The following KAZN variants were observed in gnomAD, a reference collection of about 807,000 sequenced individuals.
The protein encoded by KAZN is kazrin, periplakin interacting protein, also known as kazrin.
In KAZN, 40 loss-of-function variants were observed where a neutral mutation model predicts 87.4. That is an observed-to-expected ratio of 0.46 (90% CI 0.36 to 0.60). The LOEUF (loss-of-function observed/expected upper bound fraction) is 0.60, where lower values mean the gene tolerates loss of function less well. Ranked by LOEUF, KAZN falls within the 20% of genes least tolerant of loss-of-function variation. The probability of loss-of-function intolerance (pLI) is 0.00; values close to 1 mark genes in which losing one functional copy is unlikely to be tolerated. For synonymous variants in KAZN, 466 were observed against 458.3 expected, an observed-to-expected ratio of 1.02 and a Z score of -0.22; for missense variants, 898 against 1,073.9, an observed-to-expected ratio of 0.84 and a Z score of 2.29.
At chr1:13,937,438 T>G (rs1640782443) in intron 1 of KAZN, among the ~76,000 whole-genome samples, 3 of 152,256 alleles carry the variant, frequency 2.0e-5, no homozygotes, top group South Asian at 4.1e-4. Context: ...CTTTGTCAGA[T>G]GCATAGTTTG....
At chr1:14,548,809 C>T (rs143044936) in intron 2 of KAZN, among the ~76,000 whole-genome samples, 4 of 152,270 alleles carry the variant, frequency 2.6e-5, no homozygotes, top group African/African-American at 9.6e-5. Context: ...GTCTGCAGTA[C>T]ACATGTGAGG....
intron 2 of KAZN, among the ~76,000 whole-genome samples, chr1:14,385,973 C>G (rs1196455691): frequency 6.6e-6 from 1 of 151,448 alleles, no homozygotes; most frequent in East Asian, 1.9e-4. Flanking sequence ...TCACTCAGGA[C>G]TTGCTTTATG....
intron 1 of KAZN, among the ~76,000 whole-genome samples, chr1:14,021,014 CA>C (rs1258957263): frequency 6.6e-6 from 1 of 152,170 alleles, no homozygotes; most frequent in African/African-American, 2.4e-5. Context: ...TCTAATTAAG[CA>C]AGGTGGTGAT....
chr1:13,967,622 G>C (rs1291466272), intron 1 of KAZN, among the ~76,000 whole-genome samples: 1 of 152,214 alleles, frequency 6.6e-6, no homozygotes, highest in Admixed American at 6.5e-5. Context: ...GCCAATGATA[G>C]TGCGTTGCCT....
intron 1 of KAZN, among the ~76,000 whole-genome samples, chr1:14,114,856 G>A (rs75550076): frequency 2.0e-5 from 3 of 152,134 alleles, no homozygotes; most frequent in Non-Finnish European, 2.9e-5. Flanking sequence ...TGCTGTTACC[G>A]TTCCCATTTA....
chr1:14,871,066 T>G (rs61044667), intron 1 of KAZN, among the ~76,000 whole-genome samples: 203 of 152,280 alleles, frequency 1.3e-3, no homozygotes, highest in African/African-American at 4.7e-3. Context: ...CTCCAAGAGG[T>G]GGACAGTGCT....
chr1:13,939,104 G>T (rs1460625533), intron 1 of KAZN, among the ~76,000 whole-genome samples: 2 of 152,260 alleles, frequency 1.3e-5, no homozygotes, highest in East Asian at 3.9e-4. Context: ...TTTTAGTCAT[G>T]CTAATATCTC....
At chr1:14,146,146 T>C (rs1570864133) in intron 1 of KAZN, among the ~76,000 whole-genome samples, 1 of 152,166 alleles carries the variant, frequency 6.6e-6, no homozygotes, top group East Asian at 1.9e-4. Flanking sequence ...AATATTCTCC[T>C]TGGTGTAGTC....
intron 1 of KAZN, among the ~76,000 whole-genome samples, chr1:14,855,240 C>T (rs1328080766): frequency 7.2e-5 from 11 of 151,996 alleles, no homozygotes; most frequent in African/African-American, 2.4e-4. Context: ...TAATATCTGT[C>T]TCCCTAAGAC....
At chr1:15,065,872 G>A (rs1257466415) in intron 8 of KAZN, 119 bp downstream of exon 8, 31 of 1,528,920 alleles carry the variant, frequency 2.0e-5, no homozygotes, top group East Asian at 7.0e-5. Context: ...GCGTGGGTGC[G>A]CGTGTGGCCG....
At chr1:14,924,749 G>C (rs1020240004) in intron 1 of KAZN, among the ~76,000 whole-genome samples, 4 of 152,090 alleles carry the variant, frequency 2.6e-5, no homozygotes, top group African/African-American at 7.2e-5. Context: ...GCGGGACGCA[G>C]AGTGAGTTCC....
intron 2 of KAZN, among the ~76,000 whole-genome samples, chr1:15,009,134 C>G (rs537353773): frequency 1.3e-5 from 2 of 152,198 alleles, no homozygotes; most frequent in Non-Finnish European, 2.9e-5. Context: ...CCAGGAAATT[C>G]GGGCAGCCTA....
In KAZN at chr1:15,094,768, G is replaced by C; in HGVS notation, c.1429-47G>C. On this transcript the variant is annotated intron_variant, in intron 9 of 14. Transcript: ENST00000376030. The surrounding 1 kb of genome is among the most constrained non-coding windows in gnomAD (Gnocchi z 4.5). Reference sequence around the variant, plus strand: ...AGACCCCCTCTAGGGCAGGAACCCCGCCGGCAGCTGTCCCAGCCCCCATAT... The same window carrying C: ...AGACCCCCTCTAGGGCAGGAACCCCCCCGGCAGCTGTCCCAGCCCCCATAT... 3.5e-6 allele frequency: 5 copies of C among 1,421,542 alleles called. No individual in the cohort carries two copies. The highest frequency in any genetic ancestry group is 4.8e-6 in the Non-Finnish European group (5 of 1,034,854). The allele number at this position is 1,421,542 out of a possible 1,614,324, so 88.1% of individuals were successfully genotyped here. A position where few individuals can be genotyped will look rare whatever the true frequency, so the allele number is the denominator to read the frequency against.
intron 2 of KAZN, among the ~76,000 whole-genome samples, chr1:14,359,878 T>A (rs753789925): frequency 2.0e-5 from 3 of 152,216 alleles, no homozygotes; most frequent in Non-Finnish European, 4.4e-5. Context: ...ATTTTTTCCT[T>A]CATTTCAACC....
At chr1:14,523,180 A>C (rs143028682) in intron 2 of KAZN, among the ~76,000 whole-genome samples, 1 of 151,314 alleles carries the variant, frequency 6.6e-6, no homozygotes, top group African/African-American at 2.4e-5. Flanking sequence ...ATCCTCACCA[A>C]CCCCCTGAGC....
chr1:14,213,202 T>C (rs943048305), intron 2 of KAZN, among the ~76,000 whole-genome samples: 2 of 152,232 alleles, frequency 1.3e-5, no homozygotes, highest in African/African-American at 4.8e-5. Flanking sequence ...TGTATCCTTT[T>C]TCTTTTGAGA....
At chr1:14,091,487 T>G (rs1643992227) in intron 1 of KAZN, among the ~76,000 whole-genome samples, 2 of 152,178 alleles carry the variant, frequency 1.3e-5, no homozygotes. Context: ...AAGGTAAATT[T>G]TGTCTTGATT....
chr1:14,271,358 T>C (rs1288427672), intron 2 of KAZN, among the ~76,000 whole-genome samples: 1 of 152,246 alleles, frequency 6.6e-6, no homozygotes, highest in Non-Finnish European at 1.5e-5. Flanking sequence ...ATCAGTCGCT[T>C]ATACACTGTG....
rs1160951575 is a variant in KAZN, at chr1:14,923,494, G to A, written c.227-37190G>A. ...CCAGGCTCTGGCCTCCCCTGCCAAT[G>A]GCTGCCATAGTTGGAGAGTTCATGG... On this transcript the variant is annotated intron_variant, in intron 1 of 14. Transcript: ENST00000376030. The surrounding 1 kb of genome is among the most constrained non-coding windows in gnomAD (Gnocchi z 4.2). Among the ~76,000 whole-genome samples, 1 of 152,130 alleles carries A rather than the reference G, an allele frequency of 6.6e-6. No homozygotes were observed. The highest frequency in any genetic ancestry group is 1.5e-5 in the Non-Finnish European group (1 of 68,030).
Sources: gnomAD v4.1 joint callset for allele counts (sites outside exome capture counted in the v4.1 genomes callset) on GRCh38, gnomAD v4.1.1 for gene constraint, Gnocchi (gnomAD v3.1) non-coding constraint, MANE v1.5 for transcripts, NCBI Gene and HGNC (gene_info 2026-07-23, HGNC 2026-07-21) for gene names.